The following GLIS3 variants were observed in gnomAD, a reference collection of about 807,000 sequenced individuals.
GLIS3 encodes the protein GLIS family zinc finger 3.
A neutral mutation model predicts 78.6 loss-of-function variants in GLIS3; 53 were observed. The observed-to-expected ratio is 0.67, with a 90% CI of 0.54 to 0.85. The LOEUF is 0.85. GLIS3 is among the 40% of genes least tolerant of loss of function. The pLI is 0.00. For synonymous variants in GLIS3, 684 were observed against 509.9 expected (o/e 1.34, Z -4.60); for missense variants, 1,703 against 1,231.1 (o/e 1.38, Z -5.74).
At chr9:3,926,937 T>C (rs1378648942) in intron 6 of GLIS3, among the ~76,000 whole-genome samples, 1 of 152,234 alleles carries the variant, frequency 6.6e-6, no homozygotes, top group Non-Finnish European at 1.5e-5. Flanking sequence ...ATTTCTAAAT[T>C]AGTCATTTGA....
the GLIS3 span, among the ~76,000 whole-genome samples, chr9:4,380,987 A>T: frequency 6.6e-6 from 1 of 152,176 alleles, no homozygotes; most frequent in Non-Finnish European, 1.5e-5. Context: ...ATGTGGGAGG[A>T]CAGGCAGAAA....
chr9:4,031,639 A>G (rs1823842022), intron 4 of GLIS3, among the ~76,000 whole-genome samples: 1 of 152,248 alleles, frequency 6.6e-6, no homozygotes, highest in Non-Finnish European at 1.5e-5. Flanking sequence ...TATGCCATGC[A>G]CATTTCACTT....
chr9:3,936,773 T>G (rs1258802314), intron 5 of GLIS3, among the ~76,000 whole-genome samples: 1 of 152,238 alleles, frequency 6.6e-6, no homozygotes, highest in African/African-American at 2.4e-5. Flanking sequence ...GCTTTTGCTT[T>G]GTACACAGCG....
intron 8 of GLIS3, among the ~76,000 whole-genome samples, chr9:3,862,486 G>A (rs980398301): frequency 6.6e-6 from 1 of 152,132 alleles, no homozygotes; most frequent in Non-Finnish European, 1.5e-5. Context: ...TTTCCCGTGT[G>A]TATAAGTCCA....
intron 1 of GLIS3, among the ~76,000 whole-genome samples, chr9:4,291,393 G>C (rs1328134986): frequency 6.6e-6 from 1 of 151,986 alleles, no homozygotes; most frequent in Non-Finnish European, 1.5e-5. Flanking sequence ...TGTTTTATCT[G>C]TCAATTCGAA....
chr9:4,085,834 G>A (rs1244969080), intron 4 of GLIS3, among the ~76,000 whole-genome samples: 1 of 151,986 alleles, frequency 6.6e-6, no homozygotes, highest in African/African-American at 2.4e-5. Context: ...TTCCCCTTCC[G>A]CCATGAGTAG....
Position 4,003,511 on chromosome 9 carries a change from T to G in GLIS3, c.1711-66322A>C, listed in dbSNP as rs144408801. Among the ~76,000 whole-genome samples, 16 of 152,270 alleles carry G rather than the reference T, an allele frequency of 1.1e-4. No homozygotes were observed. In the East Asian group the frequency reaches 2.9e-3, roughly 28 times the overall value. ...CCTTAATTGTCTCAATCTTATAGAATTGCATGCTATAAATACACACTGAAG... is the reference window on the plus strand; with the variant it reads ...CCTTAATTGTCTCAATCTTATAGAAGTGCATGCTATAAATACACACTGAAG... On this transcript the variant is annotated intron_variant, in intron 4 of 10. Transcript: ENST00000381971.
intron 2 of GLIS3, among the ~76,000 whole-genome samples, chr9:4,209,417 G>A (rs950570777): frequency 6.6e-6 from 1 of 152,150 alleles, no homozygotes; most frequent in African/African-American, 2.4e-5. Flanking sequence ...CTTGGAATCT[G>A]TACAACAGTC....
Position 4,025,918 on chromosome 9 carries a change from G to C in GLIS3, c.1711-88729C>G, listed in dbSNP as rs1219770437. Among the ~76,000 whole-genome samples, 5 of 152,062 alleles carry C rather than the reference G, an allele frequency of 3.3e-5. No individual in the cohort carries two copies. In the East Asian group the frequency reaches 5.8e-4, roughly 18 times the overall value. ...TCTGGAATAATCAATAGATTATTGAGAAATAATAGAGAAAGAGACCTGGGT... is the reference window on the plus strand; with the variant it reads ...TCTGGAATAATCAATAGATTATTGACAAATAATAGAGAAAGAGACCTGGGT... On this transcript the variant is annotated intron_variant, in intron 4 of 10. Transcript: ENST00000381971.
At chr9:3,991,934 CCCGCCT>C (rs1820333018) in intron 4 of GLIS3, among the ~76,000 whole-genome samples, 1 of 152,146 alleles carries the variant, frequency 6.6e-6, no homozygotes, top group African/African-American at 2.4e-5. Flanking sequence ...TCGTGATCCG[CCCGCCT>C]CGGCCTCCCA....
chr9:4,273,094 A>G (rs1826666919), intron 2 of GLIS3, among the ~76,000 whole-genome samples: 1 of 152,246 alleles, frequency 6.6e-6, no homozygotes, highest in South Asian at 2.1e-4. Flanking sequence ...TATATCAAGT[A>G]GCTTTTCATA....
chr9:4,480,946 G>A, the GLIS3 span, among the ~76,000 whole-genome samples: 97 of 151,606 alleles, frequency 6.4e-4, no homozygotes, highest in African/African-American at 2.1e-3. Flanking sequence ...TCCGGACCTC[G>A]GGGGTTCAAG....
At chr9:4,041,703 ACT>A (rs1318660941) in intron 4 of GLIS3, among the ~76,000 whole-genome samples, 4 of 152,054 alleles carry the variant, frequency 2.6e-5, no homozygotes, top group Non-Finnish European at 5.9e-5. Context: ...AAAGTCCCTG[ACT>A]CTCTGAAAAC....
intron 4 of GLIS3, among the ~76,000 whole-genome samples, chr9:4,106,467 T>C (rs1586685277): frequency 6.6e-6 from 1 of 152,170 alleles, no homozygotes; most frequent in African/African-American, 2.4e-5. Flanking sequence ...CAATTTGTCA[T>C]CCTTGGGGGT....
the GLIS3 span, among the ~76,000 whole-genome samples, chr9:4,467,814 C>T: frequency 5.3e-5 from 8 of 151,892 alleles, no homozygotes; most frequent in Admixed American, 2.0e-4. Flanking sequence ...AGAAGGTTTC[C>T]GATGATCGGT....
At chr9:4,360,581 A>T in the GLIS3 span, among the ~76,000 whole-genome samples, 2 of 152,158 alleles carry the variant, frequency 1.3e-5, no homozygotes, top group African/African-American at 2.4e-5. Context: ...CGATGAGTTG[A>T]TATTATCGGA....
intron 1 of GLIS3, among the ~76,000 whole-genome samples, chr9:4,288,022 C>A (rs1026196795): frequency 2.6e-5 from 4 of 152,122 alleles, no homozygotes; most frequent in Admixed American, 2.6e-4. Context: ...CCACATTCCT[C>A]TAAGTCAGGT....
intron 4 of GLIS3, among the ~76,000 whole-genome samples, chr9:3,949,648 G>C (rs1364666984): frequency 6.6e-6 from 1 of 152,164 alleles, no homozygotes; most frequent in East Asian, 1.9e-4. Context: ...TTACTGGTGG[G>C]AAAAAGAAAG....
At chr9:4,229,984 A>T (rs1822110083) in intron 2 of GLIS3, among the ~76,000 whole-genome samples, 1 of 152,228 alleles carries the variant, frequency 6.6e-6, no homozygotes, top group Non-Finnish European at 1.5e-5. Context: ...TAAATCCCTT[A>T]ATTTCTGAAG....
Sources: gnomAD v4.1 joint callset for allele counts (sites outside exome capture counted in the v4.1 genomes callset) on GRCh38, gnomAD v4.1.1 for gene constraint, MANE v1.5 for transcripts, NCBI Gene and HGNC (gene_info 2026-07-23, HGNC 2026-07-21) for gene names.